Variants in GALNTL5 observed in about 807,000 individuals in gnomAD.
GALNTL5 encodes polypeptide N-acetylgalactosaminyltransferase like 5.
GALNTL5 carries 44 observed loss-of-function variants against 51.0 expected under a neutral mutation model. The ratio of observed to expected loss-of-function variants is 0.86; its 90% CI spans 0.68 to 1.11. GALNTL5 has a LOEUF of 1.11. GALNTL5 is among the 50% of genes least tolerant of loss of function. The probability of loss-of-function intolerance (pLI) is 0.00; values close to 1 mark genes in which losing one functional copy is unlikely to be tolerated. For missense variants in GALNTL5, 528 were observed against 531.8 expected (o/e 0.99, Z 0.07); for synonymous variants, 192 against 182.8 (o/e 1.05, Z -0.41).
intron 3 of GALNTL5, among the ~76,000 whole-genome samples, chr7:151,982,502 T>C (rs188646991): frequency 1.3e-4 from 20 of 152,334 alleles, no homozygotes; most frequent in South Asian, 6.2e-4. Flanking sequence ...CTATACTTTT[T>C]TGTTGCGACA....
chr7:151,980,145 G>A (rs766872454), intron 3 of GALNTL5, among the ~76,000 whole-genome samples: 100 of 151,766 alleles, frequency 6.6e-4, no homozygotes, highest in Non-Finnish European at 9.3e-4. Flanking sequence ...GTGCAGTGGC[G>A]CCATCTTGGC....
At chr7:152,015,794 T>C (rs2081805914) in intron 8 of GALNTL5, among the ~76,000 whole-genome samples, 1 of 152,184 alleles carries the variant, frequency 6.6e-6, no homozygotes, top group Admixed American at 6.5e-5. Context: ...ATCAAAACTA[T>C]ACCCTGTCAT....
chr7:152,019,536 C>CT, intron 8 of GALNTL5, 110 bp from the exon 9 acceptor site: 1 of 1,111,818 alleles, frequency 9.0e-7, no homozygotes, highest in Non-Finnish European at 1.3e-6. Flanking sequence ...ATCTGGAGGG[C>CT]TTTTTTAGTT....
chr7:151,958,514 G>A (rs943029445), intron 1 of GALNTL5, among the ~76,000 whole-genome samples: 3 of 152,206 alleles, frequency 2.0e-5, no homozygotes, highest in East Asian at 1.9e-4. Context: ...ATAGTGAAAC[G>A]GGGTTGGGGA....
intron 6 of GALNTL5, among the ~76,000 whole-genome samples, chr7:152,004,153 A>G (rs1189042344): frequency 6.6e-6 from 1 of 152,010 alleles, no homozygotes; most frequent in East Asian, 1.9e-4. Context: ...TGAAATGGGT[A>G]AAAAATAAAG....
Position 152,014,678 on chromosome 7 carries a change from C to G in GALNTL5, c.1061C>G (p.Pro354Arg), listed in dbSNP as rs1360507235. The G allele has an allele frequency of 6.2e-7, 1 of 1,612,364 alleles. No individual in the cohort carries two copies. The highest frequency in any genetic ancestry group is 8.5e-7 in the Non-Finnish European group (1 of 1,179,482). Reference sequence around the variant, plus strand: ...TGTGGAGGCCAACTCTTTATAATCCCCTGCTCTCGAGTAGGACATATCAGT... The same window carrying G: ...TGTGGAGGCCAACTCTTTATAATCCGCTGCTCTCGAGTAGGACATATCAGT... ...WMCGGQLFII[P>R]CSRVGHISKK... is the part of the protein sequence containing the mutation. The change falls in exon 8 of 9, where the codon CCC becomes CGC. Residue 354 changes from proline (P) to arginine (R), a missense_variant. Physicochemically the swap from Pro to Arg is moderately radical, Grantham distance 103. Transcript: ENST00000392800.
intron 3 of GALNTL5, among the ~76,000 whole-genome samples, chr7:151,980,946 C>A (rs573685573): frequency 1.3e-5 from 2 of 151,692 alleles, no homozygotes; most frequent in Non-Finnish European, 2.9e-5. Context: ...GGGGTTTCAC[C>A]GTGTTAGCCA....
intron 4 of GALNTL5, among the ~76,000 whole-genome samples, chr7:151,983,552 G>A (rs2081323923): frequency 6.6e-6 from 1 of 152,116 alleles, no homozygotes; most frequent in African/African-American, 2.4e-5. Context: ...TTTTTGGTGG[G>A]TATTGGGGCA....
At chr7:152,004,119 T>C (rs951819615) in intron 6 of GALNTL5, among the ~76,000 whole-genome samples, 1 of 151,712 alleles carries the variant, frequency 6.6e-6, no homozygotes, top group Non-Finnish European at 1.5e-5. Context: ...CATAAAAAAC[T>C]GAAAACAACA....
intron 2 of GALNTL5, among the ~76,000 whole-genome samples, chr7:151,968,239 C>T (rs1221863172): frequency 6.6e-6 from 1 of 152,006 alleles, no homozygotes; most frequent in Non-Finnish European, 1.5e-5. Context: ...GTCAAGGTTA[C>T]AGTGAGCTAT....
chr7:151,989,173 A>C (rs2081396769), intron 5 of GALNTL5, among the ~76,000 whole-genome samples: 1 of 148,852 alleles, frequency 6.7e-6, no homozygotes. Flanking sequence ...TTTTTTTTAG[A>C]CAGTCTCGCT....
chr7:152,015,425 T>C (rs2081796940), intron 8 of GALNTL5, among the ~76,000 whole-genome samples: 1 of 150,372 alleles, frequency 6.7e-6, no homozygotes, highest in Non-Finnish European at 1.5e-5. Flanking sequence ...AGTGGCGCGA[T>C]CTCAGCTCAC....
chr7:151,989,524 A>G (rs1043776428), intron 5 of GALNTL5, among the ~76,000 whole-genome samples: 2 of 152,142 alleles, frequency 1.3e-5, no homozygotes, highest in Admixed American at 6.5e-5. Context: ...CTTTTTTACT[A>G]TTACCTAAAA....
intron 5 of GALNTL5, among the ~76,000 whole-genome samples, chr7:151,989,726 C>T (rs2081403243): frequency 6.6e-6 from 1 of 152,222 alleles, no homozygotes; most frequent in Admixed American, 6.5e-5. Context: ...CCTTTCTCTG[C>T]AGCCAGAGAT....
chr7:152,017,802 C>T (rs955558530), intron 8 of GALNTL5, among the ~76,000 whole-genome samples: 8 of 151,960 alleles, frequency 5.3e-5, no homozygotes, highest in African/African-American at 1.9e-4. Flanking sequence ...CTGATTTCCT[C>T]GGCTTTTTGC....
chr7:151,982,928 GAC>G, intron 3 of GALNTL5, 56 bp from the exon 4 acceptor site: 2 of 1,612,782 alleles, frequency 1.2e-6, no homozygotes, highest in Non-Finnish European at 1.7e-6. Flanking sequence ...TGAACGAGAT[GAC>G]ACAACATCCA....
intron 5 of GALNTL5, among the ~76,000 whole-genome samples, chr7:151,998,610 A>G (rs1184160050): frequency 6.6e-6 from 1 of 152,072 alleles, no homozygotes; most frequent in African/African-American, 2.4e-5. Context: ...CATCTCCACT[A>G]AAAATACAAA....
chr7:152,010,926 T>C (rs1433537109), intron 7 of GALNTL5, among the ~76,000 whole-genome samples: 1 of 152,176 alleles, frequency 6.6e-6, no homozygotes, highest in African/African-American at 2.4e-5. Flanking sequence ...GGATAAAATA[T>C]ATTTTATTTA....
At chr7:151,971,131 A>ATAGATAGG (rs2081131994) in intron 3 of GALNTL5, 66 bp downstream of exon 3, 2 of 1,314,426 alleles carry the variant, frequency 1.5e-6, no homozygotes, top group Admixed American at 3.9e-5. Flanking sequence ...AGATAGATAG[A>ATAGATAGG]TAGATAGAAA....
Sources: gnomAD v4.1 joint callset for allele counts (sites outside exome capture counted in the v4.1 genomes callset) on GRCh38, gnomAD v4.1.1 for gene constraint, MANE v1.5 for transcripts, NCBI Gene and HGNC (gene_info 2026-07-23, HGNC 2026-07-21) for gene names.